The following TENM4 variants were observed in gnomAD, a reference collection of about 807,000 sequenced individuals.
TENM4 encodes teneurin-4.
Under a neutral mutation model 243.3 loss-of-function variants are expected in TENM4, and 82 were observed. The ratio of observed to expected loss-of-function variants is 0.34; its 90% CI spans 0.28 to 0.40. The LOEUF is 0.40. Among genes scored for constraint, TENM4 ranks in the 10% least tolerant of loss-of-function variants. The pLI is 1.00. For synonymous variants in TENM4, 1,412 were observed against 1,456.3 expected (o/e 0.97, Z 0.69); for missense variants, 3,138 against 3,673.3 (o/e 0.85, Z 3.77).
chr11:78,917,901 G>A (rs1029571541), intron 6 of TENM4, among the ~76,000 whole-genome samples: 1 of 152,168 alleles, frequency 6.6e-6, no homozygotes, highest in Non-Finnish European at 1.5e-5. Context: ...TTGAGATATA[G>A]AGACATTAGT....
intron 6 of TENM4, among the ~76,000 whole-genome samples, chr11:78,914,459 C>T (rs577444322): frequency 1.3e-5 from 2 of 152,328 alleles, no homozygotes; most frequent in Admixed American, 6.5e-5. Flanking sequence ...AACCCTTCCT[C>T]CTGCCAAGCT....
intron 1 of TENM4, among the ~76,000 whole-genome samples, chr11:79,334,358 G>A (rs1344801733): frequency 3.3e-5 from 5 of 152,176 alleles, no homozygotes; most frequent in Non-Finnish European, 5.9e-5. Context: ...GCCAGGAGAT[G>A]CCTGTACATC....
Position 79,335,988 on chromosome 11 carries a change from C to G in TENM4, c.-320-38445G>C, listed in dbSNP as rs191944549. Reference sequence around the variant, plus strand: ...GCAGCTCTCTTTGCTGATTCCCTGTCTAAGCTCCCTGAGCAGTGTGCTAGA... The same window carrying G: ...GCAGCTCTCTTTGCTGATTCCCTGTGTAAGCTCCCTGAGCAGTGTGCTAGA... On this transcript the variant is annotated intron_variant, in intron 1 of 33. Coordinates refer to ENST00000278550, the MANE Select transcript of TENM4 (RefSeq NM_001098816.3). Among the ~76,000 whole-genome samples, 60 of 152,044 alleles carry G rather than the reference C, an allele frequency of 3.9e-4. 2 individuals are homozygous for G. The East Asian group carries it at 8.9e-3, about 23-fold the overall frequency.
At chr11:79,021,589 T>C (rs1024606378) in intron 6 of TENM4, 2 of 152,204 alleles carry the variant, frequency 1.3e-5, no homozygotes, top group East Asian at 3.8e-4. Context: ...TCACTTCTGA[T>C]CTGCTCCATG....
chr11:78,924,226 C>T (rs1856509214), intron 6 of TENM4, among the ~76,000 whole-genome samples: 2 of 152,182 alleles, frequency 1.3e-5, no homozygotes, highest in South Asian at 4.1e-4. Flanking sequence ...GCACATGGTC[C>T]ACAGTGCTGC....
At chr11:78,672,429 G>A (rs745343275) in intron 30 of TENM4, 100 bp from the exon 31 acceptor site, 2 of 1,284,384 alleles carry the variant, frequency 1.6e-6, no homozygotes, top group South Asian at 2.8e-5. Context: ...AAGCTCTTGA[G>A]TAGAGGAGGG....
Position 79,109,678 on chromosome 11 carries a change from C to T in TENM4, c.-66+39032G>A, listed in dbSNP as rs566309859. Among the ~76,000 whole-genome samples, 4 of 152,298 alleles carry T rather than the reference C, an allele frequency of 2.6e-5. No individual in the cohort carries two copies. The East Asian group carries it at 5.8e-4, about 22-fold the overall frequency. On this transcript the variant is annotated intron_variant, in intron 4 of 33. Coordinates refer to ENST00000278550, the MANE Select transcript of TENM4 (RefSeq NM_001098816.3). ...TGTCAAAGGGTTGCCGAGTAGGTAA[C>T]GAGTACATGTTTGGAAAGTTCTGAA...
intron 2 of TENM4, among the ~76,000 whole-genome samples, chr11:79,286,727 G>T (rs150142870): frequency 1.3e-5 from 2 of 151,994 alleles, no homozygotes; most frequent in Non-Finnish European, 2.9e-5. Context: ...TAGGACTGGC[G>T]TGAGGATTAC....
At chr11:78,805,207 G>A in intron 15 of TENM4, 85 bp downstream of exon 15, 1 of 671,192 alleles carries the variant, frequency 1.5e-6, no homozygotes, top group Non-Finnish European at 2.1e-6. Flanking sequence ...ATTGCTACGT[G>A]ATTGGGAACA....
At chr11:78,964,765 G>A (rs1857404243) in intron 6 of TENM4, among the ~76,000 whole-genome samples, 2 of 152,160 alleles carry the variant, frequency 1.3e-5, no homozygotes, top group South Asian at 4.1e-4. Flanking sequence ...GGGGTACAGT[G>A]CACTTGTGGA....
chr11:79,088,452 T>C (rs1481697900), intron 4 of TENM4, among the ~76,000 whole-genome samples: 1 of 152,164 alleles, frequency 6.6e-6, no homozygotes, highest in African/African-American at 2.4e-5. Context: ...GGCTCTGCAG[T>C]CAGGAAGCCA....
rs1033810112 is a variant in TENM4 at position 79,353,439 on chromosome 11, C to T, written c.-320-55896G>A. On this transcript the variant is annotated intron_variant, in intron 1 of 33. Coordinates refer to ENST00000278550, the MANE Select transcript of TENM4 (RefSeq NM_001098816.3). ...ATCTCATTTCTGGACTGTCTCTTAACGTGGTTTTTGGGGAAAAAAATAGTT... is the reference window on the plus strand; with the variant it reads ...ATCTCATTTCTGGACTGTCTCTTAATGTGGTTTTTGGGGAAAAAAATAGTT... Among the ~76,000 whole-genome samples the T allele has an allele frequency of 7.2e-5, 11 of 152,220 alleles. No homozygotes were observed. The East Asian group carries it at 1.4e-3, about 19-fold the overall frequency.
intron 1 of TENM4, among the ~76,000 whole-genome samples, chr11:79,317,706 A>G (rs1456723475): frequency 6.6e-6 from 1 of 152,174 alleles, no homozygotes; most frequent in Non-Finnish European, 1.5e-5. Context: ...CAAAACTCCA[A>G]CCAAGTTGAC....
At chr11:79,407,246 G>T (rs1334643504) in intron 1 of TENM4, among the ~76,000 whole-genome samples, 1 of 152,200 alleles carries the variant, frequency 6.6e-6, no homozygotes, top group Non-Finnish European at 1.5e-5. Flanking sequence ...AGAATGGCAG[G>T]ATTTAAAAGT....
chr11:79,102,205 G>C (rs192265167), intron 4 of TENM4, among the ~76,000 whole-genome samples: 240 of 152,326 alleles, frequency 1.6e-3, no homozygotes, highest in Non-Finnish European at 3.0e-3. Context: ...ATCAATGTTA[G>C]TACAATATAG....
chr11:79,436,839 C>T (rs960645714), intron 1 of TENM4, among the ~76,000 whole-genome samples: 2 of 152,184 alleles, frequency 1.3e-5, no homozygotes. Flanking sequence ...AGCTCTCCGT[C>T]CCTGATCCCT....
intron 19 of TENM4, among the ~76,000 whole-genome samples, chr11:78,749,093 G>A (rs761218565): frequency 1.4e-4 from 22 of 152,326 alleles, no homozygotes; most frequent in Admixed American, 1.1e-3. Flanking sequence ...AACAGAGATC[G>A]TAATTCATTT....
intron 2 of TENM4, among the ~76,000 whole-genome samples, chr11:79,241,219 T>C (rs1195074207): frequency 6.6e-6 from 1 of 152,034 alleles, no homozygotes; most frequent in Non-Finnish European, 1.5e-5. Flanking sequence ...TGTTGTTCTA[T>C]CTAAGAAAGC....
chr11:78,967,440 A>C (rs1390478292), intron 6 of TENM4, among the ~76,000 whole-genome samples: 1 of 152,202 alleles, frequency 6.6e-6, no homozygotes, highest in African/African-American at 2.4e-5. Flanking sequence ...ATCAGACCTT[A>C]ATTGGGGAGT....
Sources: allele counts gnomAD v4.1 joint callset (sites outside exome capture counted in the v4.1 genomes callset), GRCh38; gene constraint gnomAD v4.1.1; transcripts MANE v1.5; gene names NCBI Gene and HGNC (gene_info 2026-07-23, HGNC 2026-07-21).